PREX1: variants seen among roughly 807,000 people sequenced by gnomAD.
PREX1 encodes phosphatidylinositol 3,4,5-trisphosphate-dependent Rac exchanger 1 protein.
A neutral mutation model predicts 198.3 loss-of-function variants in PREX1; 41 were observed. The observed-to-expected ratio is 0.21, with a 90% CI of 0.16 to 0.27. The LOEUF is 0.27. PREX1 is among the 10% of genes least tolerant of loss of function. PREX1 has a pLI of 1.00. For missense variants in PREX1, 1,620 were observed against 2,200.7 expected, an observed-to-expected ratio of 0.74 and a Z score of 5.28; for synonymous variants, 843 against 887.2, an observed-to-expected ratio of 0.95 and a Z score of 0.89.
intron 3 of PREX1, among the ~76,000 whole-genome samples, chr20:48,739,938 G>C (rs1280775291): frequency 6.6e-6 from 1 of 152,204 alleles, no homozygotes; most frequent in Non-Finnish European, 1.5e-5. Context: ...GTAAGGCACA[G>C]AGAACAGAAC....
intron 29 of PREX1, among the ~76,000 whole-genome samples, chr20:48,640,816 AGGATGGATGGATGGACAGACAAGAAGAT>A (rs1397286941): frequency 1.4e-5 from 2 of 143,956 alleles, no homozygotes; most frequent in Admixed American, 7.1e-5. Context: ...GAAGGAGGGA[AGGATGGATGGATGGACAGACAAGAAGAT>A]GGATGGATGG....
chr20:48,661,444 A>AAAAAAAAAAATATATATATATATATATAT (rs1555832820), intron 15 of PREX1, among the ~76,000 whole-genome samples: 1 of 49,596 alleles, frequency 2.0e-5, no homozygotes, highest in African/African-American at 1.9e-4. Flanking sequence ...AAAAAAAAAA[A>AAAAAAAAAAATATATATATATATATATAT]ATATATATAT....
intron 1 of PREX1, among the ~76,000 whole-genome samples, chr20:48,816,044 A>C (rs1224641252): frequency 2.0e-5 from 3 of 151,762 alleles, no homozygotes; most frequent in Non-Finnish European, 2.9e-5. Flanking sequence ...AAAAAAAAAA[A>C]AACAGAGAGA....
chr20:48,784,388 C>A (rs777165848), intron 1 of PREX1, among the ~76,000 whole-genome samples: 3 of 152,158 alleles, frequency 2.0e-5, no homozygotes, highest in Non-Finnish European at 2.9e-5. Context: ...TTATTACATT[C>A]TAAATACAGT....
At chr20:48,639,522 T>G (rs368617239) in intron 30 of PREX1, among the ~76,000 whole-genome samples, 5 of 152,268 alleles carry the variant, frequency 3.3e-5, no homozygotes, top group African/African-American at 1.2e-4. Flanking sequence ...TTGTTTTGTT[T>G]CTGATTTTTG....
chr20:48,748,727 G>A (rs938198340), intron 1 of PREX1, among the ~76,000 whole-genome samples: 2 of 152,202 alleles, frequency 1.3e-5, no homozygotes, highest in African/African-American at 4.8e-5. Flanking sequence ...CACCAGGGCA[G>A]GAGTGACAGG....
chr20:48,640,912 T>G, intron 29 of PREX1, among the ~76,000 whole-genome samples: 1 of 147,140 alleles, frequency 6.8e-6, no homozygotes, highest in Non-Finnish European at 1.5e-5. Context: ...GATGGATAGA[T>G]GGTAAGTGGG....
At chr20:48,865,515 T>A in the PREX1 span, among the ~76,000 whole-genome samples, 1 of 152,152 alleles carries the variant, frequency 6.6e-6, no homozygotes, top group African/African-American at 2.4e-5. Flanking sequence ...TTCAGAACAT[T>A]ATATGCTATC....
chr20:48,646,900 A>C (rs2089455622), intron 25 of PREX1, among the ~76,000 whole-genome samples: 1 of 152,210 alleles, frequency 6.6e-6, no homozygotes, highest in Non-Finnish European at 1.5e-5. Flanking sequence ...AAATGGGATC[A>C]TATCAGTATC....
At chr20:48,627,124 G>A (rs992420851) in intron 39 of PREX1, among the ~76,000 whole-genome samples, 3 of 152,136 alleles carry the variant, frequency 2.0e-5, no homozygotes, top group Non-Finnish European at 4.4e-5. Context: ...AGCTTAGGTT[G>A]GATCAGCTAA....
At chr20:48,762,885 T>C (rs1480804857) in intron 1 of PREX1, among the ~76,000 whole-genome samples, 1 of 152,166 alleles carries the variant, frequency 6.6e-6, no homozygotes, top group African/African-American at 2.4e-5. Context: ...GTATTTTTAG[T>C]AGAGACAGGG....
intron 1 of PREX1, among the ~76,000 whole-genome samples, chr20:48,807,602 T>A (rs1225390628): frequency 9.2e-5 from 14 of 152,152 alleles, no homozygotes; most frequent in Admixed American, 9.2e-4. Flanking sequence ...TAGGAGAAGT[T>A]CCTAAAGGAA....
At chr20:48,748,973 A>C (rs1423796964) in intron 1 of PREX1, among the ~76,000 whole-genome samples, 4 of 152,192 alleles carry the variant, frequency 2.6e-5, no homozygotes, top group Admixed American at 2.6e-4. Context: ...CCAGGGCAGT[A>C]GGGTGCAATG....
intron 1 of PREX1, among the ~76,000 whole-genome samples, chr20:48,752,315 T>C (rs191357597): frequency 1.3e-5 from 2 of 152,376 alleles, no homozygotes; most frequent in Admixed American, 6.5e-5. Flanking sequence ...TTGTTTTGCA[T>C]GTTCACAACA....
chr20:48,877,306 T>C, the PREX1 span, among the ~76,000 whole-genome samples: 1 of 151,808 alleles, frequency 6.6e-6, no homozygotes, highest in Non-Finnish European at 1.5e-5. Context: ...AAGTATGATA[T>C]ATTAACTCAC....
At chr20:48,710,447 G>C (rs984770470) in intron 5 of PREX1, among the ~76,000 whole-genome samples, 3 of 152,156 alleles carry the variant, frequency 2.0e-5, no homozygotes, top group Admixed American at 6.5e-5. Context: ...TCAAGCTCCT[G>C]TCAAGCTCAT....
chr20:48,742,102 C>T (rs2090085123), intron 3 of PREX1, among the ~76,000 whole-genome samples: 1 of 152,152 alleles, frequency 6.6e-6, no homozygotes, highest in South Asian at 2.1e-4. Context: ...GACATTCATC[C>T]TTGTGCCCGG....
chr20:48,635,337 G>T (rs1310016986), intron 32 of PREX1, among the ~76,000 whole-genome samples: 1 of 152,110 alleles, frequency 6.6e-6, no homozygotes, highest in Non-Finnish European at 1.5e-5. Flanking sequence ...ATGACACCAG[G>T]TTTCCCTTCT....
At position 48,642,264 on chromosome 20, in the gene PREX1, T is replaced by G. The variant is rs764392160; in HGVS notation, c.3685-6A>C. ...AGAGCATTGATGGAGTCCACCTGGG[T>G]GGCAAGAAGCCTGGGGTTGGTTTGG... is the stretch of plus-strand genomic sequence containing the variant. On this transcript the variant is annotated splice_polypyrimidine_tract_variant and splice_region_variant and intron_variant, in intron 28 of 39. Transcript: ENST00000371941. 3.7e-5 allele frequency: 59 copies of G among 1,614,064 alleles called. No individual in the cohort carries two copies. The East Asian group carries it at 1.3e-3, about 35-fold the overall frequency.
Sources: gnomAD v4.1 joint callset for allele counts (sites outside exome capture counted in the v4.1 genomes callset) on GRCh38, gnomAD v4.1.1 for gene constraint, MANE v1.5 for transcripts, NCBI Gene and HGNC (gene_info 2026-07-23, HGNC 2026-07-21) for gene names.